Variants in MAFG observed in about 807,000 individuals in gnomAD.
MAFG encodes transcription factor MafG.
A neutral mutation model predicts 12.2 loss-of-function variants in MAFG; 3 were observed. The ratio of observed to expected loss-of-function variants is 0.25; its 90% confidence interval spans 0.11 to 0.64. MAFG has a LOEUF of 0.64. MAFG is among the 30% of genes least tolerant of loss of function. MAFG has a pLI of 0.85. For missense variants in MAFG, 153 were observed against 235.5 expected (o/e 0.65, Z 2.29); for synonymous variants, 126 against 109.1 (o/e 1.15, Z -0.96).
upstream of MAFG, among the ~76,000 whole-genome samples, chr17:81,928,648 C>A (rs539316324): frequency 1.1e-4 from 16 of 152,298 alleles, no homozygotes; most frequent in East Asian, 3.1e-3. This position sits in a 1 kb window ranked among gnomAD's most constrained non-coding sequence, Gnocchi z 8.1. Flanking sequence ...GTGGTTCTTA[C>A]GGTGGTGTCC....
Position 81,922,609 on chromosome 17 carries a change from G to A in MAFG, c.485C>T (p.Ser162Leu), listed in dbSNP as rs1051803653. Residue 162 changes from serine (S) to leucine (L), a missense_variant, in exon 3 of 3, where the codon TCG (serine) becomes TTG (leucine). Transcript: ENST00000357736. ...TIVKSKTDAR[S>L] is the part of the protein sequence containing the mutation. ...CGCCTGGGCAGACGCGCGTCCCTAC[G>A]ATCGGGCATCCGTCTTGGACTTTAC... 7 of 1,466,466 alleles carry A rather than the reference G, an allele frequency of 4.8e-6. No homozygotes were observed. The highest frequency in any genetic ancestry group is 2.8e-5 in the Admixed American group (1 of 35,908). The allele number at this position is 1,466,466 out of a possible 1,614,324, so 90.8% of individuals were successfully genotyped here. A position where few individuals can be genotyped will look rare whatever the true frequency, so the allele number is the denominator to read the frequency against.
chr17:81,923,274 C>CCG, intron 1 of MAFG, 60 bp from the exon 2 acceptor site: 3 of 966,446 alleles, frequency 3.1e-6, no homozygotes, highest in Non-Finnish European at 2.8e-6. Flanking sequence ...CCCCCCCCCC[C>CCG]CGCCCCCGGC....
Position 81,922,458 on chromosome 17 carries a change from TGGGG to T in MAFG, c.*143_*146del. The T allele has an allele frequency of 3.3e-6, 2 of 601,370 alleles. No homozygotes were observed. Among genetic ancestry groups the T allele is most frequent in the Non-Finnish European group, 2.7e-6 (1 of 376,356 alleles). The allele number at this position is 601,370 out of a possible 1,614,324, so 37.3% of individuals were successfully genotyped here. A position where few individuals can be genotyped will look rare whatever the true frequency, so the allele number is the denominator to read the frequency against. On this transcript the variant is annotated 3_prime_UTR_variant, in exon 3 of 3. Coordinates refer to ENST00000357736, the MANE Select transcript of MAFG (RefSeq NM_002359.4). The stretch of plus-strand genomic sequence containing the variant: ...TCAAAGGGGCTCAGCCCGGCGCCCC[TGGGG>T]TACAGGTTGTGCTTTGCAGGGAAGA...
In MAFG at chr17:81,923,137, C is replaced by T; in HGVS notation, c.36+13G>A. The T allele has an allele frequency of 6.2e-7, 1 of 1,611,898 alleles. No individual in the cohort carries two copies. The highest frequency in any genetic ancestry group is 1.7e-4 in the Middle Eastern group (1 of 6,014). ...CGACCCCAGCCCACAGGCTCCTGTC[C>T]CTGCCCACTCACCTTCAAGGCCTTG... On this transcript the variant is annotated intron_variant, in intron 2 of 2. Transcript: ENST00000357736.
rs749769497 is a variant in MAFG, at chr17:81,921,559, CTTTTTT to C, written c.*1040_*1045del. ...GCCTTCTGGTCGGCTCACGGCTTGG[CTTTTTT>C]TTTTTTGTCTTTTTTTTAAACTAAG... On this transcript the variant is annotated 3_prime_UTR_variant, in exon 3 of 3. Transcript: ENST00000357736. The C allele has an allele frequency of 7.2e-6, 1 of 138,112 alleles. No homozygotes were observed. The highest frequency in any genetic ancestry group is 1.6e-5 in the Non-Finnish European group (1 of 63,204). 8.6% of individuals were successfully genotyped at this position (138,112 alleles called of 1,614,324 possible). A position where few individuals can be genotyped will look rare whatever the true frequency, so the allele number is the denominator to read the frequency against.
At position 81,922,523 on chromosome 17, in the gene MAFG, G is replaced by C. The variant is rs1317555752; in HGVS notation, c.*82C>G. ...GGGAAGAGAGGGAGGAAAGAGAAGAGAAGGAAACAGAGGGACAGGGCAGCC... is the reference window on the plus strand; with the variant it reads ...GGGAAGAGAGGGAGGAAAGAGAAGACAAGGAAACAGAGGGACAGGGCAGCC... On this transcript the variant is annotated 3_prime_UTR_variant, in exon 3 of 3. Coordinates refer to ENST00000357736, the MANE Select transcript of MAFG (RefSeq NM_002359.4). 1.2e-5 allele frequency: 13 copies of C among 1,088,584 alleles called. No individual in the cohort carries two copies. Among genetic ancestry groups the C allele is most frequent in the Non-Finnish European group, 1.1e-5 (9 of 800,388 alleles). The allele number at this position is 1,088,584 out of a possible 1,614,324, so 67.4% of individuals were successfully genotyped here. A position where few individuals can be genotyped will look rare whatever the true frequency, so the allele number is the denominator to read the frequency against.
rs913451925 is a variant in MAFG, at chr17:81,927,711, C to G, written c.-213G>C. 6.5e-6 allele frequency: 1 copy of G among 152,720 alleles called. No individual in the cohort carries two copies. The highest frequency in any genetic ancestry group is 6.6e-5 in the Admixed American group (1 of 15,264). 9.5% of individuals were successfully genotyped at this position (152,720 alleles called of 1,614,324 possible). ...GACCAGGCTCGGGATCCGCCGCCGC[C>G]GCCGCCGCTCCACAGACGTCACATG... On this transcript the variant is annotated 5_prime_UTR_variant, in exon 1 of 3. Transcript: ENST00000357736.
Position 81,918,640 on chromosome 17 carries a change from C to G in MAFG, c.*3965G>C, listed in dbSNP as rs1436433552. On this transcript the variant is annotated 3_prime_UTR_variant, in exon 3 of 3. Coordinates refer to ENST00000357736, the MANE Select transcript of MAFG (RefSeq NM_002359.4). ...CAGGGCAGGCAGGGACTGATCAACT[C>G]TGCTTGGACCCACCTCTCAGCGCCA... is the stretch of plus-strand genomic sequence containing the variant. The G allele has an allele frequency of 6.6e-6, 1 of 152,660 alleles. No homozygotes were observed. Among genetic ancestry groups the G allele is most frequent in the African/African-American group, 2.4e-5 (1 of 41,474 alleles). 9.5% of individuals were successfully genotyped at this position (152,660 alleles called of 1,614,324 possible).
In MAFG at chr17:81,920,386, T is replaced by G. The variant is rs1460164881; in HGVS notation, c.*2219A>C. On this transcript the variant is annotated 3_prime_UTR_variant, in exon 3 of 3. Coordinates refer to ENST00000357736, the MANE Select transcript of MAFG (RefSeq NM_002359.4). ...TATTGGATAAAAATCCCACCATCCA[T>G]AGGGTTAAGCCCTGTTGGGCCACAG... The G allele has an allele frequency of 6.6e-6, 1 of 152,222 alleles. No individual in the cohort carries two copies. Among genetic ancestry groups the G allele is most frequent in the Non-Finnish European group, 1.5e-5 (1 of 68,040 alleles). 9.4% of individuals were successfully genotyped at this position (152,222 alleles called of 1,614,324 possible).
intron 1 of MAFG, 46 bp from the exon 2 acceptor site, chr17:81,923,260 G>GCCCCCCCCCCCCCC (rs1418757108): frequency 1.2e-5 from 5 of 428,378 alleles, no homozygotes; most frequent in Non-Finnish European, 3.1e-6. Flanking sequence ...CACCCTCGCC[G>GCCCCCCCCCCCCCC]CACCCCCCCC....
Position 81,923,225 on chromosome 17 carries a change from C to G in MAFG, c.-29-11G>C. 6.7e-7 allele frequency: 1 copy of G among 1,491,210 alleles called. No homozygotes were observed. Among genetic ancestry groups the G allele is most frequent in the Non-Finnish European group, 9.1e-7 (1 of 1,103,706 alleles). The allele number at this position is 1,491,210 out of a possible 1,614,324, so 92.4% of individuals were successfully genotyped here. A position where few individuals can be genotyped will look rare whatever the true frequency, so the allele number is the denominator to read the frequency against. On this transcript the variant is annotated splice_polypyrimidine_tract_variant and intron_variant, in intron 1 of 2. Coordinates refer to ENST00000357736, the MANE Select transcript of MAFG (RefSeq NM_002359.4). ...GCGAGCAGGCGCTCTCTGCAAGACA[C>G]GGAGCAGGTCAGTACCCTGGAGACC...
At position 81,927,684 on chromosome 17, in the gene MAFG, C is replaced by A; in HGVS notation, c.-186G>T. The A allele has an allele frequency of 6.6e-6, 1 of 151,714 alleles. No homozygotes were observed. Among genetic ancestry groups the A allele is most frequent in the South Asian group, 1.8e-4 (1 of 5,514 alleles). 9.4% of individuals were successfully genotyped at this position (151,714 alleles called of 1,614,324 possible). A position where few individuals can be genotyped will look rare whatever the true frequency, so the allele number is the denominator to read the frequency against. On this transcript the variant is annotated 5_prime_UTR_variant, in exon 1 of 3. Transcript: ENST00000357736. ...GCCGAGCGCACTGGGAAGGCCGGGC[C>A]GGACCAGGCTCGGGATCCGCCGCCG... is the stretch of plus-strand genomic sequence containing the variant.
chr17:81,923,405 T>G, intron 1 of MAFG, 191 bp from the exon 2 acceptor site: 2 of 464,718 alleles, frequency 4.3e-6, no homozygotes, highest in East Asian at 3.7e-5. Context: ...CTGCTTCCTG[T>G]CCACCCTGCC....
At chr17:81,929,199 C>T (rs1056936475), upstream of MAFG, among the ~76,000 whole-genome samples, 1 of 152,226 alleles carries the variant, frequency 6.6e-6, no homozygotes, top group African/African-American at 2.4e-5. The surrounding 1 kb of genome is among the most constrained non-coding windows in gnomAD (Gnocchi z 5.7). Flanking sequence ...TATGAATCGT[C>T]CTCACTGCGG....
At position 81,919,007 on chromosome 17, in the gene MAFG, T is replaced by C. The variant is rs2040859202; in HGVS notation, c.*3598A>G. 6.6e-6 allele frequency: 1 copy of C among 152,230 alleles called. No homozygotes were observed. Among genetic ancestry groups the C allele is most frequent in the Admixed American group, 6.5e-5 (1 of 15,288 alleles). The allele number at this position is 152,230 out of a possible 1,614,324, so 9.4% of individuals were successfully genotyped here. The stretch of plus-strand genomic sequence containing the variant: ...CACAGGCCAGAGGCAGGACAGGCAT[T>C]AGTCTCTCAGACACGCCCTGCCTCT... On this transcript the variant is annotated 3_prime_UTR_variant, in exon 3 of 3. Coordinates refer to ENST00000357736, the MANE Select transcript of MAFG (RefSeq NM_002359.4).
At position 81,922,879 on chromosome 17, in the gene MAFG, C is replaced by T. The variant is rs760314644; in HGVS notation, c.215G>A (p.Arg72Gln). ...CTCCAGCTCCTCCTTCTGCGTCACC[C>T]GCTTCACGCGGCAGCTGGCAGCGTA... Reference protein sequence around the residue: ...RGYAASCRVKRVTQKEELEKQ... With the variant: ...RGYAASCRVKQVTQKEELEKQ... The change falls in exon 3 of 3, where the codon CGG becomes CAG. Residue 72 changes from arginine (R) to glutamine (Q), a missense_variant. Physicochemically the swap from Arg to Gln is conservative, Grantham distance 43. Around this residue, in one of 3 missense-constraint regions of MAFG, gnomAD observed 29 missense variants for 75.3 expected, o/e 0.39. Transcript: ENST00000357736. 1.9e-6 allele frequency: 3 copies of T among 1,611,400 alleles called. No homozygotes were observed. The highest frequency in any genetic ancestry group is 1.7e-6 in the Non-Finnish European group (2 of 1,179,270).
At chr17:81,927,749 G>C (rs2040953859), upstream of MAFG, 1 of 152,354 alleles carries the variant, frequency 6.6e-6, no homozygotes, top group Non-Finnish European at 1.5e-5. Context: ...GTTTGGTCAC[G>C]TGGGCTCCAT....
At chr17:81,928,638 G>A (rs929459756), upstream of MAFG, among the ~76,000 whole-genome samples, 1 of 152,242 alleles carries the variant, frequency 6.6e-6, no homozygotes, top group Non-Finnish European at 1.5e-5. This position sits in a 1 kb window ranked among gnomAD's most constrained non-coding sequence, Gnocchi z 8.1. Flanking sequence ...GGGGCTGCGT[G>A]TGGTTCTTAC....
At chr17:81,928,664 C>T (rs2040961635), upstream of MAFG, among the ~76,000 whole-genome samples, 1 of 152,194 alleles carries the variant, frequency 6.6e-6, no homozygotes, top group Non-Finnish European at 1.5e-5. The surrounding 1 kb of genome is among the most constrained non-coding windows in gnomAD (Gnocchi z 8.1). Context: ...TGTCCTTAGT[C>T]GTCGGGGACC....
Sources: gnomAD v4.1 joint callset for allele counts (sites outside exome capture counted in the v4.1 genomes callset) on GRCh38, gnomAD v4.1.1 for gene constraint, gnomAD v4.1.1 regional missense constraint, Gnocchi (gnomAD v3.1) non-coding constraint, MANE v1.5 for transcripts, NCBI Gene and HGNC (gene_info 2026-07-23, HGNC 2026-07-21) for gene names.